The following NHSL1 variants were observed in gnomAD, a reference collection of about 807,000 sequenced individuals.
NHSL1 encodes the protein NHS-like protein 1.
A neutral mutation model predicts 95.0 loss-of-function variants in NHSL1; 48 were observed. The observed-to-expected ratio is 0.51, with a 90% CI of 0.40 to 0.64. NHSL1 has a LOEUF of 0.64. Ranked by LOEUF, NHSL1 falls within the 30% of genes least tolerant of loss-of-function variation. NHSL1 has a pLI of 0.00. For synonymous variants in NHSL1, 783 were observed against 833.9 expected (o/e 0.94, Z 1.05); for missense variants, 1,971 against 2,077.7 (o/e 0.95, Z 1.00).
chr6:138,571,590 AC>A, intron 1 of NHSL1: 1 of 896,622 alleles, frequency 1.1e-6, no homozygotes, highest in Non-Finnish European at 1.7e-6. Context: ...CAATACAAAA[AC>A]AAACATTTCA....
At chr6:138,563,792 T>TA (rs1015412964) in intron 1 of NHSL1, among the ~76,000 whole-genome samples, 4 of 152,226 alleles carry the variant, frequency 2.6e-5, no homozygotes, top group African/African-American at 7.2e-5. Flanking sequence ...GCTATTCAAC[T>TA]CCCTGGAGAA....
chr6:138,440,903 C>T (rs1163471152), intron 5 of NHSL1, among the ~76,000 whole-genome samples: 1 of 152,116 alleles, frequency 6.6e-6, no homozygotes, highest in African/African-American at 2.4e-5. Flanking sequence ...TAAATAAAAA[C>T]ATCAGGTGAA....
chr6:138,432,348 T>C lies in NHSL1; in HGVS notation c.1997A>G (p.Lys666Arg), dbSNP rs1775752652. 6.4e-7 allele frequency: 1 copy of C among 1,551,668 alleles called. No individual in the cohort carries two copies. Among genetic ancestry groups the C allele is most frequent in the Non-Finnish European group, 8.7e-7 (1 of 1,146,926 alleles). ...DKSLSRNISL[K>R]KAKKPPLPPS... The stretch of plus-strand genomic sequence containing the variant: ...TGGCAGGGGAGGCTTCTTTGCTTTC[T>C]TCAAAGAGATGTTTCTTGATAGGGA... The change falls in exon 6 of 8, where the codon AAG (lysine) becomes AGG (arginine). Residue 666 changes from lysine (K) to arginine (R), a missense_variant. Lys to Arg is a conservative substitution (Grantham distance 26, BLOSUM62 2). This residue lies in a region of NHSL1 where 1,602 missense variants were observed against 1,654.5 expected (regional missense o/e 0.97). Transcript: ENST00000343505. The surrounding 1 kb of genome is among the most constrained non-coding windows in gnomAD (Gnocchi z 4.4).
At chr6:138,541,794 T>C (rs1782591115) in intron 1 of NHSL1, among the ~76,000 whole-genome samples, 1 of 152,228 alleles carries the variant, frequency 6.6e-6, no homozygotes, top group Admixed American at 6.5e-5. Flanking sequence ...ATAATGGGTA[T>C]GTACATTTTC....
chr6:138,556,228 A>G (rs1005274308), intron 1 of NHSL1, among the ~76,000 whole-genome samples: 5 of 152,258 alleles, frequency 3.3e-5, no homozygotes. Flanking sequence ...TTTTCATTTC[A>G]TTAGAAAAGA....
intron 1 of NHSL1, among the ~76,000 whole-genome samples, chr6:138,629,733 A>G (rs961652489): frequency 1.3e-5 from 2 of 152,314 alleles, no homozygotes; most frequent in Admixed American, 1.3e-4. Context: ...TAATGCACAG[A>G]TTTAGTTGTT....
At chr6:138,629,381 C>CTTTTT (rs1215071709) in intron 1 of NHSL1, among the ~76,000 whole-genome samples, 1 of 138,822 alleles carries the variant, frequency 7.2e-6, no homozygotes. Flanking sequence ...TTCTTTCTTT[C>CTTTTT]TTTCTTTCTT....
intron 1 of NHSL1, among the ~76,000 whole-genome samples, chr6:138,678,922 G>A (rs1029442969): frequency 6.6e-6 from 1 of 152,140 alleles, no homozygotes; most frequent in Non-Finnish European, 1.5e-5. Context: ...AGTACTAACG[G>A]CACTCAAAGA....
chr6:138,490,757 T>G (rs992862111), intron 2 of NHSL1, among the ~76,000 whole-genome samples: 6 of 152,104 alleles, frequency 3.9e-5, no homozygotes, highest in Non-Finnish European at 4.4e-5. Context: ...CTCAGCCTCC[T>G]GAGAAGGCTG....
rs376495105 is a variant in NHSL1 at position 138,650,618 on chromosome 6, G to A, written c.96+41858C>T. The A allele has an allele frequency of 1.7e-5, 10 of 579,618 alleles. No homozygotes were observed. The East Asian group carries it at 3.1e-4, about 18-fold the overall frequency. The allele number at this position is 579,618 out of a possible 1,614,324, so 35.9% of individuals were successfully genotyped here. On this transcript the variant is annotated intron_variant, in intron 1 of 3. Transcript: ENST00000491526. ...CTTCCTCTTTGAAAAGCTTCCCAAT[G>A]GAGCTCAGCACGCCACTATCCTTGG...
intron 1 of NHSL1, among the ~76,000 whole-genome samples, chr6:138,568,182 T>A (rs569921167): frequency 6.6e-6 from 1 of 152,354 alleles, no homozygotes; most frequent in South Asian, 2.1e-4. Context: ...ATGTTCCAGA[T>A]AAAGTTCCTT....
intron 1 of NHSL1, among the ~76,000 whole-genome samples, chr6:138,637,552 A>C (rs901902226): frequency 6.6e-6 from 1 of 152,184 alleles, no homozygotes. Context: ...TCAGCAAAAA[A>C]TCTAATCCGA....
At chr6:138,550,367 G>C (rs1026861937), upstream of NHSL1, among the ~76,000 whole-genome samples, 1 of 152,230 alleles carries the variant, frequency 6.6e-6, no homozygotes, top group African/African-American at 2.4e-5. Context: ...AATTATGATT[G>C]TCTGACACCA....
At chr6:138,528,211 A>G (rs1381180376) in intron 1 of NHSL1, among the ~76,000 whole-genome samples, 1 of 152,218 alleles carries the variant, frequency 6.6e-6, no homozygotes, top group Non-Finnish European at 1.5e-5. Flanking sequence ...TTCTTGTATT[A>G]CTTTTTAAGA....
rs1775520313 is a variant in NHSL1, at chr6:138,429,933, T to C, written c.3953-90A>G. ...TTCTAAATATGCTGCTTCCCTGCCA[T>C]TCCCGACAATGTGAGAACCACAGGG... On this transcript the variant is annotated intron_variant, in intron 6 of 7. Transcript: ENST00000343505. 3 of 1,314,636 alleles carry C rather than the reference T, an allele frequency of 2.3e-6. No homozygotes were observed. In the East Asian group the frequency reaches 7.6e-5, roughly 33 times the overall value. The allele number at this position is 1,314,636 out of a possible 1,614,324, so 81.4% of individuals were successfully genotyped here.
intron 5 of NHSL1, among the ~76,000 whole-genome samples, chr6:138,435,468 C>T (rs1022131269): frequency 6.6e-6 from 1 of 152,064 alleles, no homozygotes; most frequent in African/African-American, 2.4e-5. Context: ...GCTATTTTAT[C>T]ACCCTCTAGA....
intron 2 of NHSL1, among the ~76,000 whole-genome samples, chr6:138,481,771 TAACAGCATAAAAGCATGCTTTTATATTTC>T (rs1779429256): frequency 6.6e-6 from 1 of 152,190 alleles, no homozygotes; most frequent in Admixed American, 6.5e-5. Context: ...GGAATATGTA[TAACAGCATAAAAGCATGCTTTTATATTTC>T]AAGTATTAAA....
chr6:138,613,569 G>A (rs901127672), intron 1 of NHSL1, among the ~76,000 whole-genome samples: 3 of 152,172 alleles, frequency 2.0e-5, no homozygotes, highest in African/African-American at 7.2e-5. Flanking sequence ...TGGAGAGCTG[G>A]AACTGAACAA....
chr6:138,665,244 C>A (rs949759979), intron 1 of NHSL1, among the ~76,000 whole-genome samples: 1 of 152,060 alleles, frequency 6.6e-6, no homozygotes, highest in Non-Finnish European at 1.5e-5. Flanking sequence ...ATAACTAATT[C>A]TTTGCCATTT....
Sources: gnomAD v4.1 joint callset for allele counts (sites outside exome capture counted in the v4.1 genomes callset) on GRCh38, gnomAD v4.1.1 for gene constraint, gnomAD v4.1.1 regional missense constraint, Gnocchi (gnomAD v3.1) non-coding constraint, MANE v1.5 for transcripts, NCBI Gene and HGNC (gene_info 2026-07-23, HGNC 2026-07-21) for gene names.